Variants in TADA2A observed in about 807,000 individuals in gnomAD.
The protein encoded by TADA2A is transcriptional adapter 2-alpha.
TADA2A carries 38 observed loss-of-function variants against 67.4 expected under a neutral mutation model. That is an observed-to-expected ratio of 0.56 (90% CI 0.44 to 0.74). The LOEUF (loss-of-function observed/expected upper bound fraction) is 0.74. Among genes scored for constraint, TADA2A ranks in the 30% least tolerant of loss-of-function variants. The pLI is 0.00. For missense variants in TADA2A, 454 were observed against 547.0 expected, an observed-to-expected ratio of 0.83 and a Z score of 1.70; for synonymous variants, 192 against 181.6, an observed-to-expected ratio of 1.06 and a Z score of -0.46.
chr17:37,437,618 C>T, intron 4 of TADA2A, 120 bp from the exon 5 acceptor site: 3 of 781,210 alleles, frequency 3.8e-6, no homozygotes, highest in Non-Finnish European at 6.4e-6. Context: ...AACTCCTGAC[C>T]TCAGGTGATC....
intron 2 of TADA2A, among the ~76,000 whole-genome samples, chr17:37,416,691 G>A (rs1329000524): frequency 6.6e-6 from 1 of 151,444 alleles, no homozygotes; most frequent in Non-Finnish European, 1.5e-5. Flanking sequence ...ATGGTGAAAC[G>A]CCATCTCTAC....
rs369370248 is a variant in TADA2A, at chr17:37,411,374, T to C, written c.9T>C (p.Arg3=). MD[R]LGSFSNDPSD... is the part of the protein sequence containing the mutation. ...TCGTTGCCAATTAGGGAATGGACCG[T>C]TTGGGTTCCTTTAGCAGTAAGTACA... The change falls in exon 2 of 16, where the codon CGT becomes CGC. Residue 3 remains arginine (R), a synonymous_variant. Transcript: ENST00000615182. The C allele has an allele frequency of 1.9e-6, 3 of 1,613,680 alleles. No homozygotes were observed. The highest frequency in any genetic ancestry group is 2.5e-6 in the Non-Finnish European group (3 of 1,179,814).
chr17:37,467,379 C>A, intron 11 of TADA2A, 75 bp from the exon 12 acceptor site: 1 of 1,211,408 alleles, frequency 8.3e-7, no homozygotes, highest in Non-Finnish European at 1.2e-6. Flanking sequence ...AATGAAAATG[C>A]TCAATAGCAA....
chr17:37,455,392 G>GTTTT (rs1231541250), intron 8 of TADA2A, among the ~76,000 whole-genome samples: 2 of 119,668 alleles, frequency 1.7e-5, no homozygotes, highest in Non-Finnish European at 3.5e-5. Flanking sequence ...TTGTTTGTTT[G>GTTTT]TTTTTTTGAG....
At chr17:37,473,542 C>T (rs1029736289) in intron 14 of TADA2A, among the ~76,000 whole-genome samples, 1 of 152,170 alleles carries the variant, frequency 6.6e-6, no homozygotes, top group African/African-American at 2.4e-5. Context: ...TTGTAACAGT[C>T]CCTCCCCTTT....
intron 14 of TADA2A, among the ~76,000 whole-genome samples, chr17:37,472,358 G>A (rs1415082704): frequency 1.3e-5 from 2 of 151,700 alleles, no homozygotes; most frequent in African/African-American, 4.8e-5. Flanking sequence ...GAGCCACTGC[G>A]CCTGGTCACT....
At chr17:37,409,289 A>G (rs1012077505) in intron 1 of TADA2A, among the ~76,000 whole-genome samples, 3 of 151,768 alleles carry the variant, frequency 2.0e-5, no homozygotes, top group Admixed American at 1.3e-4. Context: ...GGTTCTCACT[A>G]TGTTGCCCAG....
At chr17:37,431,054 T>C (rs538598488) in intron 4 of TADA2A, among the ~76,000 whole-genome samples, 58 of 152,176 alleles carry the variant, frequency 3.8e-4, no homozygotes, top group African/African-American at 1.3e-3. Context: ...CATGACTTTT[T>C]TTTTGTCATT....
At chr17:37,411,563 C>T (rs1449692273) in intron 2 of TADA2A, among the ~76,000 whole-genome samples, 173 bp downstream of exon 2, 1 of 152,074 alleles carries the variant, frequency 6.6e-6, no homozygotes, top group Non-Finnish European at 1.5e-5. Flanking sequence ...GCTAGGACTA[C>T]AGGCGCGCAC....
At chr17:37,413,487 G>A (rs1465302125) in intron 2 of TADA2A, among the ~76,000 whole-genome samples, 1 of 152,052 alleles carries the variant, frequency 6.6e-6, no homozygotes, top group Non-Finnish European at 1.5e-5. Flanking sequence ...CATCTGCTTT[G>A]TCATTTGCAT....
At chr17:37,447,491 G>T (rs181672164) in intron 8 of TADA2A, among the ~76,000 whole-genome samples, 148 of 152,198 alleles carry the variant, frequency 9.7e-4, no homozygotes, top group South Asian at 2.5e-3. Context: ...TAACACTTCA[G>T]ATTTGGGTAT....
intron 4 of TADA2A, among the ~76,000 whole-genome samples, chr17:37,434,624 C>T (rs150706312): frequency 1.3e-5 from 2 of 152,314 alleles, no homozygotes; most frequent in East Asian, 3.9e-4. Flanking sequence ...TTGTCTGGAT[C>T]TGCTAATTCA....
At chr17:37,464,562 G>C (rs530937942) in intron 10 of TADA2A, among the ~76,000 whole-genome samples, 96 of 152,258 alleles carry the variant, frequency 6.3e-4, no homozygotes, top group African/African-American at 2.1e-3. Context: ...TGAGGTGGCC[G>C]GGCGCGGTGG....
chr17:37,418,101 G>T (rs558705336), intron 2 of TADA2A, among the ~76,000 whole-genome samples: 2 of 152,184 alleles, frequency 1.3e-5, no homozygotes, highest in South Asian at 4.1e-4. Flanking sequence ...ATAACTAAAC[G>T]TTCTGAACAA....
At chr17:37,450,820 A>G (rs890896994) in intron 8 of TADA2A, among the ~76,000 whole-genome samples, 1 of 152,296 alleles carries the variant, frequency 6.6e-6, no homozygotes, top group East Asian at 1.9e-4. Flanking sequence ...TAGGTTATTC[A>G]TACAGTTAAG....
At chr17:37,464,557 TG>T (rs1242555862) in intron 10 of TADA2A, among the ~76,000 whole-genome samples, 1 of 152,070 alleles carries the variant, frequency 6.6e-6, no homozygotes, top group Non-Finnish European at 1.5e-5. Context: ...GACAGTGAGG[TG>T]GCCGGGCGCG....
chr17:37,449,499 A>T lies in TADA2A; in HGVS notation c.604+4731A>T, dbSNP rs949135790. ...ATTATCCTCATTTTTGTGGATGAGG[A>T]CATTGAAGCATAGAAAGGTTAGATA... On this transcript the variant is annotated intron_variant, in intron 8 of 15. Transcript: ENST00000615182. 6.6e-5 allele frequency among the ~76,000 whole-genome samples: 10 copies of T among 152,196 alleles called. No individual in the cohort carries two copies. In the East Asian group the frequency reaches 1.9e-3, roughly 29 times the overall value.
intron 6 of TADA2A, among the ~76,000 whole-genome samples, chr17:37,442,198 C>CT (rs760306260): frequency 0.068 from 5,146 of 75,432 alleles, 243 homozygotes; most frequent in African/African-American, 0.13. Context: ...TTTTTCCCGT[C>CT]TTTTTTTTTT....
chr17:37,407,383 G>A (rs977006123), intron 1 of TADA2A: 1 of 152,298 alleles, frequency 6.6e-6, no homozygotes, highest in East Asian at 1.9e-4. Flanking sequence ...GACTGGCCCA[G>A]GCCGGTCCCA....
Sources: allele counts gnomAD v4.1 joint callset (sites outside exome capture counted in the v4.1 genomes callset), GRCh38; gene constraint gnomAD v4.1.1; transcripts MANE v1.5; gene names NCBI Gene and HGNC (gene_info 2026-07-23, HGNC 2026-07-21).